MAST2: variants seen among roughly 807,000 people sequenced by gnomAD.
MAST2 encodes microtubule-associated serine/threonine-protein kinase 2.
Under a neutral mutation model 147.4 loss-of-function variants are expected in MAST2, and 70 were observed. That is an observed-to-expected ratio of 0.47 (90% CI 0.39 to 0.58). The LOEUF is 0.58. MAST2 is among the 20% of genes least tolerant of loss of function. MAST2 has a pLI of 0.00. For synonymous variants in MAST2, 869 were observed against 896.8 expected (o/e 0.97, Z 0.55); for missense variants, 2,080 against 2,302.3 (o/e 0.90, Z 1.98).
At chr1:45,937,216 A>G (rs182441914) in intron 4 of MAST2, among the ~76,000 whole-genome samples, 2 of 140,536 alleles carry the variant, frequency 1.4e-5, no homozygotes, top group African/African-American at 5.4e-5. Context: ...GACTAAAGGC[A>G]TGCACCACCA....
intron 3 of MAST2, among the ~76,000 whole-genome samples, chr1:45,831,297 T>C (rs944161580): frequency 6.6e-6 from 1 of 152,202 alleles, no homozygotes; most frequent in African/African-American, 2.4e-5. Flanking sequence ...TAAAGTCTCA[T>C]CTACACTTGA....
intron 8 of MAST2, among the ~76,000 whole-genome samples, chr1:46,007,568 AAGAC>A (rs774554000): frequency 6.6e-6 from 1 of 152,214 alleles, no homozygotes. Context: ...CCAGGGAAGA[AAGAC>A]AGAGTGGGAC....
chr1:46,011,506 G>A (rs1645714302), intron 10 of MAST2, among the ~76,000 whole-genome samples: 1 of 152,230 alleles, frequency 6.6e-6, no homozygotes, highest in Non-Finnish European at 1.5e-5. Context: ...CAAAGCACAT[G>A]AGAGTTCTTA....
At chr1:46,026,403 TAG>T (rs1305601633) in intron 16 of MAST2, among the ~76,000 whole-genome samples, 1 of 152,132 alleles carries the variant, frequency 6.6e-6, no homozygotes, top group Admixed American at 6.5e-5. Context: ...GAGAAAAGGC[TAG>T]AGAGAGAGGC....
At chr1:45,953,336 T>G (rs1035504641) in intron 4 of MAST2, among the ~76,000 whole-genome samples, 5 of 152,200 alleles carry the variant, frequency 3.3e-5, no homozygotes, top group African/African-American at 1.2e-4. Context: ...CTGCTGCCCT[T>G]GCGGGGAATT....
chr1:46,032,208 C>G lies in MAST2; in HGVS notation c.3218C>G (p.Pro1073Arg). The change falls in exon 25 of 29, where the codon CCC (proline) becomes CGC (arginine). Residue 1073 changes from proline (P) to arginine (R), a missense_variant. Physicochemically the swap from Pro to Arg is moderately radical, Grantham distance 103 (BLOSUM62 -2). Transcript: ENST00000361297. ...EHHTCSPLASPMSPHSQSSNP... is the reference protein window; with the variant it reads ...EHHTCSPLASRMSPHSQSSNP... ...CACACCTGCTCCCCGTTGGCCAGCC[C>G]CATGTCCCCACATTCTCAGTCGTCC... is the stretch of plus-strand genomic sequence containing the variant. The G allele has an allele frequency of 1.2e-6, 2 of 1,614,218 alleles. No individual in the cohort carries two copies. Among genetic ancestry groups the G allele is most frequent in the Non-Finnish European group, 1.7e-6 (2 of 1,180,046 alleles).
chr1:45,860,514 T>C (rs940836783), intron 3 of MAST2, among the ~76,000 whole-genome samples: 1 of 152,188 alleles, frequency 6.6e-6, no homozygotes, highest in Non-Finnish European at 1.5e-5. Flanking sequence ...TGTTTCATGT[T>C]AGATTCTATA....
intron 10 of MAST2, among the ~76,000 whole-genome samples, chr1:46,015,887 G>C (rs1259613422): frequency 6.6e-6 from 1 of 152,138 alleles, no homozygotes; most frequent in Non-Finnish European, 1.5e-5. Context: ...GAGAATTTTA[G>C]ACCAATATCC....
intron 10 of MAST2, among the ~76,000 whole-genome samples, chr1:46,019,064 A>G (rs774617518): frequency 3.9e-5 from 6 of 152,168 alleles, no homozygotes; most frequent in Non-Finnish European, 8.8e-5. Context: ...ACCCACGTCT[A>G]TCCCCTTGTC....
At chr1:45,884,413 G>C (rs973719321) in intron 4 of MAST2, among the ~76,000 whole-genome samples, 1 of 152,102 alleles carries the variant, frequency 6.6e-6, no homozygotes, top group Non-Finnish European at 1.5e-5. Flanking sequence ...TTAGCCGGGC[G>C]TCATGGCGTG....
chr1:46,017,483 C>A (rs1646002863), intron 10 of MAST2, among the ~76,000 whole-genome samples: 1 of 152,264 alleles, frequency 6.6e-6, no homozygotes, highest in East Asian at 1.9e-4. Context: ...AAGAAAAAAA[C>A]AACCCCATCA....
At chr1:45,830,324 G>A (rs912767431) in intron 3 of MAST2, among the ~76,000 whole-genome samples, 1 of 150,510 alleles carries the variant, frequency 6.6e-6, no homozygotes, top group African/African-American at 2.4e-5. Context: ...ACAGGCACTT[G>A]CCACCATACC....
At chr1:45,974,259 A>G (rs1553250237) in intron 5 of MAST2, among the ~76,000 whole-genome samples, 1 of 152,170 alleles carries the variant, frequency 6.6e-6, no homozygotes, top group Non-Finnish European at 1.5e-5. Context: ...AGTGCAGATT[A>G]TGGCTGGGTA....
At chr1:45,981,932 C>T (rs1644425003) in intron 5 of MAST2, among the ~76,000 whole-genome samples, 1 of 151,660 alleles carries the variant, frequency 6.6e-6, no homozygotes, top group Non-Finnish European at 1.5e-5. Context: ...CCTCTACCTC[C>T]CTGGTTCAAG....
intron 3 of MAST2, among the ~76,000 whole-genome samples, chr1:45,840,873 C>T (rs1006037464): frequency 2.6e-5 from 4 of 152,220 alleles, no homozygotes; most frequent in Admixed American, 2.6e-4. Flanking sequence ...TTCTGTTTCT[C>T]TGGCTATAAA....
intron 1 of MAST2, among the ~76,000 whole-genome samples, chr1:45,817,254 C>T (rs1175219420): frequency 6.6e-6 from 1 of 151,812 alleles, no homozygotes; most frequent in Non-Finnish European, 1.5e-5. Flanking sequence ...CAGATTTAGC[C>T]CAAAGAAGAC....
intron 1 of MAST2, among the ~76,000 whole-genome samples, chr1:45,805,511 T>C (rs967764523): frequency 2.0e-5 from 3 of 152,210 alleles, no homozygotes; most frequent in Non-Finnish European, 2.9e-5. Context: ...CTAATACTTA[T>C]CTTTTACATT....
intron 3 of MAST2, among the ~76,000 whole-genome samples, chr1:45,880,154 CATGTT>C (rs1226510100): frequency 6.6e-6 from 1 of 152,052 alleles, no homozygotes; most frequent in Non-Finnish European, 1.5e-5. Context: ...TGTCAAAAAA[CATGTT>C]ATAGGAATGT....
At chr1:46,027,905 C>T (rs1210071513) in intron 17 of MAST2, 42 bp downstream of exon 17, 1 of 1,609,044 alleles carries the variant, frequency 6.2e-7, no homozygotes. Flanking sequence ...AAATTCTAGG[C>T]CCTTGTCCTG....
Sources: allele counts gnomAD v4.1 joint callset (sites outside exome capture counted in the v4.1 genomes callset), GRCh38; gene constraint gnomAD v4.1.1; transcripts MANE v1.5; gene names NCBI Gene and HGNC (gene_info 2026-07-23, HGNC 2026-07-21).